The following ZBBX variants were observed in gnomAD, a reference collection of about 807,000 sequenced individuals.
The protein encoded by ZBBX is zinc finger B-box domain-containing protein 1.
In ZBBX, 101 loss-of-function variants were observed where a neutral mutation model predicts 108.5. The ratio of observed to expected loss-of-function variants is 0.93; its 90% CI spans 0.79 to 1.10. ZBBX has a LOEUF of 1.10. Ranked by LOEUF, ZBBX falls within the 50% of genes least tolerant of loss-of-function variation. ZBBX has a pLI of 0.00. For synonymous variants in ZBBX, 356 were observed against 323.4 expected (o/e 1.10, Z -1.08); for missense variants, 1,009 against 941.4 (o/e 1.07, Z -0.94).
intron 9 of ZBBX, among the ~76,000 whole-genome samples, chr3:167,336,063 T>C (rs1189875717): frequency 6.6e-6 from 1 of 152,070 alleles, no homozygotes; most frequent in Non-Finnish European, 1.5e-5. Context: ...TAGTTCCATG[T>C]TTGGTTTTCA....
chr3:167,304,518 T>A (rs76733925), intron 17 of ZBBX, among the ~76,000 whole-genome samples: 3,855 of 152,290 alleles, frequency 0.025, 75 homozygotes, highest in Non-Finnish European at 0.037. Flanking sequence ...CATGTCCTTT[T>A]ATAAAGTATT....
intron 17 of ZBBX, among the ~76,000 whole-genome samples, chr3:167,300,078 T>A (rs1732371483): frequency 6.6e-6 from 1 of 152,188 alleles, no homozygotes; most frequent in African/African-American, 2.4e-5. Flanking sequence ...TTAAGTCCTG[T>A]CTTACCAGTG....
chr3:167,279,728 A>C (rs1190420114), intron 20 of ZBBX, among the ~76,000 whole-genome samples: 1 of 151,902 alleles, frequency 6.6e-6, no homozygotes, highest in Non-Finnish European at 1.5e-5. Flanking sequence ...GACTTTCTTC[A>C]CAGAATTGGA....
At chr3:167,241,836 A>T (rs1405307854) in intron 21 of ZBBX, among the ~76,000 whole-genome samples, 1 of 152,214 alleles carries the variant, frequency 6.6e-6, no homozygotes, top group Non-Finnish European at 1.5e-5. Flanking sequence ...ATTTCAATTA[A>T]ATTTCAATCA....
At chr3:167,391,237 C>T (rs1241229582) in intron 1 of ZBBX, among the ~76,000 whole-genome samples, 4 of 151,860 alleles carry the variant, frequency 2.6e-5, no homozygotes, top group Non-Finnish European at 4.4e-5. Flanking sequence ...CGTCTATTGA[C>T]GTAATCATGT....
At chr3:167,319,628 C>T (rs1006431532) in intron 12 of ZBBX, among the ~76,000 whole-genome samples, 16 of 151,838 alleles carry the variant, frequency 1.1e-4, no homozygotes, top group African/African-American at 3.9e-4. Context: ...GCCTAGATAC[C>T]GTAGGCTACA....
At chr3:167,286,072 A>G (rs559326899) in intron 19 of ZBBX, among the ~76,000 whole-genome samples, 1 of 152,290 alleles carries the variant, frequency 6.6e-6, no homozygotes, top group South Asian at 2.1e-4. Flanking sequence ...GTGGTGCCAG[A>G]AGGTCTCTCT....
the ZBBX span, among the ~76,000 whole-genome samples, chr3:167,191,075 T>C: frequency 5.3e-5 from 8 of 152,206 alleles, no homozygotes; most frequent in African/African-American, 1.9e-4. Flanking sequence ...AACCTTTCTC[T>C]GTTTCAACCA....
upstream of ZBBX, among the ~76,000 whole-genome samples, chr3:167,380,882 A>AGT (rs1747664208): frequency 6.6e-6 from 1 of 151,408 alleles, no homozygotes; most frequent in Non-Finnish European, 1.5e-5. Context: ...ACACACACAC[A>AGT]CACACACACA....
At chr3:167,265,145 T>C (rs1725243783) in intron 20 of ZBBX, among the ~76,000 whole-genome samples, 1 of 152,152 alleles carries the variant, frequency 6.6e-6, no homozygotes, top group Non-Finnish European at 1.5e-5. Flanking sequence ...CAAAATGCAA[T>C]TTTTCATCAT....
rs1056000169 is a variant in ZBBX at position 167,368,545 on chromosome 3, A to C, written c.98T>G (p.Val33Gly). The change falls in exon 5 of 22, where the codon GTA becomes GGA. Residue 33 changes from valine (V) to glycine (G), a missense_variant. Physicochemically the swap from Val to Gly is moderately radical, Grantham distance 109 (BLOSUM62 -3). Coordinates refer to ENST00000675490, the MANE Select transcript of ZBBX (RefSeq NM_001199201.2). ...RNAQELRMEK[V>G]QLEFENQEME... ...CTCTTGGTTCTCAAACTCTAACTGT[A>C]CTTTCTCCATTCGCAGTTCTTGAGC... 1 of 1,610,766 alleles carries C rather than the reference A, an allele frequency of 6.2e-7. No homozygotes were observed. The highest frequency in any genetic ancestry group is 8.5e-7 in the Non-Finnish European group (1 of 1,178,156).
intron 10 of ZBBX, among the ~76,000 whole-genome samples, chr3:167,331,033 G>A (rs1245475733): frequency 2.1e-5 from 3 of 145,814 alleles, no homozygotes; most frequent in Non-Finnish European, 4.5e-5. Flanking sequence ...CAAGAAGGCA[G>A]CCATCTAAAA....
intron 20 of ZBBX, among the ~76,000 whole-genome samples, chr3:167,269,474 A>T (rs77827016): frequency 6.6e-6 from 1 of 152,144 alleles, no homozygotes; most frequent in Non-Finnish European, 1.5e-5. Flanking sequence ...TGCCTCATTA[A>T]ATTTACTCAC....
intron 20 of ZBBX, among the ~76,000 whole-genome samples, chr3:167,273,638 G>A (rs959936384): frequency 2.6e-5 from 4 of 152,092 alleles, no homozygotes; most frequent in African/African-American, 4.8e-5. Context: ...TCAAGCAGAT[G>A]TATGGTGGTG....
intron 9 of ZBBX, among the ~76,000 whole-genome samples, chr3:167,349,763 G>A (rs1399513429): frequency 6.6e-6 from 1 of 151,940 alleles, no homozygotes; most frequent in Admixed American, 6.6e-5. Context: ...ATAAATATTT[G>A]TTGAATAAAT....
chr3:167,262,268 C>A (rs1443250751), intron 20 of ZBBX, among the ~76,000 whole-genome samples: 1 of 152,144 alleles, frequency 6.6e-6, no homozygotes, highest in African/African-American at 2.4e-5. Context: ...TCTGTGGGTC[C>A]TCTCAGGATT....
Position 167,314,078 on chromosome 3 carries a change from T to C in ZBBX, c.1313A>G (p.Tyr438Cys). 6.2e-7 allele frequency: 1 copy of C among 1,603,606 alleles called. No homozygotes were observed. Among genetic ancestry groups the C allele is most frequent in the Non-Finnish European group, 8.5e-7 (1 of 1,175,036 alleles). ...FHDCQKNSFP[Y>C]ENGIHQHHVF... ...ATGATGTTGATGGATGCCATTTTCATATGGAAAGCTATTCTTCTGACAATC... is the reference window on the plus strand; with the variant it reads ...ATGATGTTGATGGATGCCATTTTCACATGGAAAGCTATTCTTCTGACAATC... Residue 438 changes from tyrosine (Y) to cysteine (C), a missense_variant, in exon 16 of 22, where the codon TAT becomes TGT. Physicochemically the swap from Tyr to Cys is radical, Grantham distance 194. Transcript: ENST00000675490.
intron 11 of ZBBX, among the ~76,000 whole-genome samples, chr3:167,323,375 T>G (rs6767362): frequency 0.36 from 54,972 of 151,818 alleles, 10,445 homozygotes; most frequent in Non-Finnish European, 0.43. Flanking sequence ...GTGATTCACT[T>G]TTCTCCCTTA....
intron 20 of ZBBX, among the ~76,000 whole-genome samples, chr3:167,242,860 T>C (rs1720918834): frequency 6.6e-6 from 1 of 152,156 alleles, no homozygotes; most frequent in African/African-American, 2.4e-5. Flanking sequence ...ATCATATTGA[T>C]TTGTAAATAT....
Sources: allele counts gnomAD v4.1 joint callset (sites outside exome capture counted in the v4.1 genomes callset), GRCh38; gene constraint gnomAD v4.1.1; transcripts MANE v1.5; gene names NCBI Gene and HGNC (gene_info 2026-07-23, HGNC 2026-07-21).